Variants in GOT2 observed in about 807,000 individuals in gnomAD.
GOT2 encodes aspartate aminotransferase, mitochondrial.
A neutral mutation model predicts 50.0 loss-of-function variants in GOT2; 17 were observed. The observed-to-expected ratio is 0.34, with a 90% CI of 0.23 to 0.51. GOT2 has a LOEUF of 0.51. GOT2 is among the 20% of genes least tolerant of loss of function. GOT2 has a pLI of 0.97. For missense variants in GOT2, 430 were observed against 559.6 expected (o/e 0.77, Z 2.34); for synonymous variants, 172 against 204.9 (o/e 0.84, Z 1.37).
chr16:58,722,112 AACAG>A, intron 3 of GOT2, 34 bp downstream of exon 3: 1 of 1,605,502 alleles, frequency 6.2e-7, no homozygotes, highest in Non-Finnish European at 8.5e-7. Flanking sequence ...AATTTGTTAA[AACAG>A]ACCTGGGATG....
rs1391182223 is a variant in GOT2, at chr16:58,716,155, A to G, written c.878T>C (p.Met293Thr). 19 of 1,613,758 alleles carry G rather than the reference A, an allele frequency of 1.2e-5. No homozygotes were observed. Among genetic ancestry groups the G allele is most frequent in the Non-Finnish European group, 1.5e-5 (18 of 1,179,938 alleles). ...GGCTTCATCCGCATCTTTGCAGACC[A>G]TAGTGAAGGCTCCTACACGCTCACC... is the stretch of plus-strand genomic sequence containing the variant. ...LYGERVGAFT[M>T]VCKDADEAKR... Residue 293 changes from methionine (M) to threonine (T), a missense_variant, in exon 8 of 10, where the codon ATG becomes ACG. Coordinates refer to ENST00000245206, the MANE Select transcript of GOT2 (RefSeq NM_002080.4).
At chr16:58,733,866 C>G (rs762218337) in intron 1 of GOT2, 1 of 379,964 alleles carries the variant, frequency 2.6e-6, no homozygotes, top group Non-Finnish European at 4.7e-6. Flanking sequence ...GAGGGCCACA[C>G]TTCCTTTCCC....
chr16:58,721,981 T>C, intron 3 of GOT2, 169 bp downstream of exon 3: 1 of 560,012 alleles, frequency 1.8e-6, no homozygotes. Flanking sequence ...GGTTTCTCCA[T>C]GTTAATCAGG....
chr16:58,709,472 T>C lies in GOT2; in HGVS notation c.1115A>G (p.Gln372Arg), dbSNP rs1459042412. ...LKKEGSTHNW[Q>R]HITDQIGMFC... ...CATGCCAATTTGGTCGGTGATGTGTTGCCAATTGTGGGTGGAACCCTCCTT... is the reference window on the plus strand; with the variant it reads ...CATGCCAATTTGGTCGGTGATGTGTCGCCAATTGTGGGTGGAACCCTCCTT... The change falls in exon 9 of 10, where the codon CAA (glutamine) becomes CGA (arginine). Residue 372 changes from glutamine (Q) to arginine (R), a missense_variant. Coordinates refer to ENST00000245206, the MANE Select transcript of GOT2 (RefSeq NM_002080.4). The C allele has an allele frequency of 1.1e-5, 17 of 1,613,894 alleles. No homozygotes were observed. In the Admixed American group the frequency reaches 2.0e-4, roughly 19 times the overall value.
In GOT2 at chr16:58,718,550, T is replaced by C; in HGVS notation, c.574A>G (p.Thr192Ala). 1.3e-6 allele frequency: 2 copies of C among 1,590,642 alleles called. No homozygotes were observed. Among genetic ancestry groups the C allele is most frequent in the Non-Finnish European group, 1.7e-6 (2 of 1,169,814 alleles). The change falls in exon 5 of 10, where the codon ACA (threonine) becomes GCA (alanine). Residue 192 changes from threonine (T) to alanine (A), a missense_variant. Thr to Ala is a moderately conservative substitution (Grantham distance 58). Coordinates refer to ENST00000245206, the MANE Select transcript of GOT2 (RefSeq NM_002080.4). ...YDPKTCGFDF[T>A]GAVEDISKIP... The stretch of plus-strand genomic sequence containing the variant: ...ACTGAAATATCCTCCACAGCGCCTG[T>C]GAAGTCAAAACCGCAAGTCTTGGGG...
intron 1 of GOT2, among the ~76,000 whole-genome samples, chr16:58,724,790 C>T (rs1212599444): frequency 1.3e-5 from 2 of 152,182 alleles, no homozygotes; most frequent in African/African-American, 4.8e-5. Context: ...ATCTGCTCGC[C>T]TTGGCCTCCC....
chr16:58,708,576 G>A (rs30843), intron 9 of GOT2, among the ~76,000 whole-genome samples: 64,453 of 150,966 alleles, frequency 0.43, 15,194 homozygotes, highest in Middle Eastern at 0.7. Flanking sequence ...CCGAGATTGC[G>A]CCAATGCACT....
Position 58,718,560 on chromosome 16 carries a change from A to C in GOT2, c.564T>G (p.Gly188=), listed in dbSNP as rs1169062390. 6.3e-7 allele frequency: 1 copy of C among 1,595,396 alleles called. No individual in the cohort carries two copies. The highest frequency in any genetic ancestry group is 1.4e-5 in the African/African-American group (1 of 74,070). ...GYRYYDPKTC[G]FDFTGAVEDI... ...CCTCCACAGCGCCTGTGAAGTCAAA[A>C]CCGCAAGTCTTGGGGTCATAATACC... Residue 188 remains glycine (G), a synonymous_variant, in exon 5 of 10, where the codon GGT becomes GGG. Coordinates refer to ENST00000245206, the MANE Select transcript of GOT2 (RefSeq NM_002080.4).
rs182760926 is a variant in GOT2, at chr16:58,722,026, C to T, written c.375+124G>A. The T allele has an allele frequency of 3.1e-4, 312 of 1,010,764 alleles. 1 individual carries two copies. The highest frequency in any genetic ancestry group is 4.2e-4 in the Non-Finnish European group (287 of 680,198). The allele number at this position is 1,010,764 out of a possible 1,614,324, so 62.6% of individuals were successfully genotyped here. Reference sequence around the variant, plus strand: ...AACTCCCGACCTCAGATGAACCACCCGCCTTGGCCTCCCAAAGTGGTGGGA... The same window carrying T: ...AACTCCCGACCTCAGATGAACCACCTGCCTTGGCCTCCCAAAGTGGTGGGA... On this transcript the variant is annotated intron_variant, in intron 3 of 9. Coordinates refer to ENST00000245206, the MANE Select transcript of GOT2 (RefSeq NM_002080.4).
At chr16:58,731,056 CTTACT>C (rs78975240) in intron 1 of GOT2, among the ~76,000 whole-genome samples, 6,291 of 152,262 alleles carry the variant, frequency 0.041, 377 homozygotes, top group East Asian at 0.29. Context: ...TCACATTCTT[CTTACT>C]TTAAAATCAG....
chr16:58,722,171 G>A lies in GOT2; in HGVS notation c.354C>T (p.Ser118=), dbSNP rs75336120. 6,403 of 1,612,070 alleles carry A rather than the reference G, an allele frequency of 4.0e-3. 246 individuals carry two copies. In the African/African-American group the frequency reaches 0.074, roughly 19 times the overall value. The part of the protein sequence containing the change: ...ASAELALGEN[S]EVLKSGRFVT... ...TTACCCGGCCACTCTTCAAGACTTC[G>A]CTGTTCTCACCCAGGGCTAGTTCTG... Residue 118 remains serine (S), a synonymous_variant, in exon 3 of 10, where the codon AGC becomes AGT. Transcript: ENST00000245206.
chr16:58,712,522 GAAC>G (rs10676089), intron 8 of GOT2, among the ~76,000 whole-genome samples: 25 of 150,766 alleles, frequency 1.7e-4, no homozygotes, highest in Admixed American at 4.0e-4. Context: ...ACAACAACAA[GAAC>G]AACAACAACA....
Position 58,708,060 on chromosome 16 carries a change from A to T in GOT2, c.*111T>A. 9.5e-7 allele frequency: 1 copy of T among 1,056,798 alleles called. No individual in the cohort carries two copies. The allele number at this position is 1,056,798 out of a possible 1,614,324, so 65.5% of individuals were successfully genotyped here. On this transcript the variant is annotated 3_prime_UTR_variant, in exon 10 of 10. Transcript: ENST00000245206. ...TGCTGAGTGTTACACACTGTGGCTGAAAGAAATGATCCACTCACCACCATC... is the reference window on the plus strand; with the variant it reads ...TGCTGAGTGTTACACACTGTGGCTGTAAGAAATGATCCACTCACCACCATC...
At chr16:58,731,204 G>C (rs965746951) in intron 1 of GOT2, among the ~76,000 whole-genome samples, 2 of 151,946 alleles carry the variant, frequency 1.3e-5, no homozygotes, top group African/African-American at 2.4e-5. Flanking sequence ...CGTGATCAGC[G>C]GGCTCACTGC....
chr16:58,726,048 A>T (rs1248652657), intron 1 of GOT2, among the ~76,000 whole-genome samples: 6 of 152,238 alleles, frequency 3.9e-5, no homozygotes, highest in Non-Finnish European at 7.3e-5. Context: ...GATTCATTTG[A>T]CAATAGCAAT....
intron 3 of GOT2, among the ~76,000 whole-genome samples, chr16:58,720,636 T>C (rs370692564): frequency 4.6e-5 from 7 of 150,808 alleles, no homozygotes; most frequent in Non-Finnish European, 1.0e-4. Flanking sequence ...TAGAATGCAA[T>C]GGCATAAACT....
chr16:58,729,740 TTTTTGC>T (rs759103513), intron 1 of GOT2, among the ~76,000 whole-genome samples: 2 of 152,014 alleles, frequency 1.3e-5, no homozygotes, highest in Non-Finnish European at 2.9e-5. Flanking sequence ...TTTGTTTTTG[TTTTTGC>T]TTTGGAAAAT....
At chr16:58,722,927 G>A (rs1051610025) in intron 2 of GOT2, among the ~76,000 whole-genome samples, 5 of 152,164 alleles carry the variant, frequency 3.3e-5, no homozygotes, top group African/African-American at 1.2e-4. Context: ...ATACAAAAGA[G>A]AAAGCATGTC....
intron 1 of GOT2, among the ~76,000 whole-genome samples, chr16:58,728,849 T>TTTTTTA (rs2044808606): frequency 6.6e-6 from 1 of 152,022 alleles, no homozygotes; most frequent in African/African-American, 2.4e-5. Context: ...CCCGGCTAAT[T>TTTTTTA]TTTTTATTTT....
Sources: gnomAD v4.1 joint callset for allele counts (sites outside exome capture counted in the v4.1 genomes callset) on GRCh38, gnomAD v4.1.1 for gene constraint, MANE v1.5 for transcripts, NCBI Gene and HGNC (gene_info 2026-07-23, HGNC 2026-07-21) for gene names.